The following SPARCL1 variants were observed in gnomAD, a reference collection of about 807,000 sequenced individuals.
SPARCL1 encodes SPARC-like protein 1.
SPARCL1 carries 52 observed loss-of-function variants against 67.1 expected under a neutral mutation model. That is an observed-to-expected ratio of 0.78 (90% CI 0.62 to 0.98). The LOEUF (loss-of-function observed/expected upper bound fraction) is 0.98, where lower values mean the gene tolerates loss of function less well. Among genes scored for constraint, SPARCL1 ranks in the 50% least tolerant of loss-of-function variants. SPARCL1 has a pLI of 0.00. For missense variants in SPARCL1, 717 were observed against 782.4 expected, an observed-to-expected ratio of 0.92 and a Z score of 1.00; for synonymous variants, 226 against 267.8, an observed-to-expected ratio of 0.84 and a Z score of 1.52.
At chr4:87,528,478 C>A (rs1004900368) in intron 1 of SPARCL1, 1 of 151,884 alleles carries the variant, frequency 6.6e-6, no homozygotes, top group African/African-American at 2.4e-5. Context: ...TAAAAGGGAA[C>A]CAAGAAAGGG....
At chr4:87,503,871 G>A (rs1724958663) in intron 1 of SPARCL1, among the ~76,000 whole-genome samples, 1 of 151,186 alleles carries the variant, frequency 6.6e-6, no homozygotes, top group African/African-American at 2.4e-5. Flanking sequence ...TAGAGACAGG[G>A]GTTTCGCCAT....
At chr4:87,474,983 C>A (rs1723526309) in intron 10 of SPARCL1, among the ~76,000 whole-genome samples, 1 of 151,914 alleles carries the variant, frequency 6.6e-6, no homozygotes, top group Admixed American at 6.6e-5. Flanking sequence ...AACTCGTGAT[C>A]CGCCTGCCTC....
chr4:87,494,713 G>T, intron 3 of SPARCL1, 115 bp from the exon 4 acceptor site: 1 of 955,000 alleles, frequency 1.0e-6, no homozygotes, highest in Non-Finnish European at 1.5e-6. Flanking sequence ...ATGTAAACAT[G>T]TTTATAATAT....
Position 87,480,414 on chromosome 4 carries a change from A to G in SPARCL1, c.1775T>C (p.Val592Ala). 2 of 1,611,792 alleles carry G rather than the reference A, an allele frequency of 1.2e-6. No individual in the cohort carries two copies. Among genetic ancestry groups the G allele is most frequent in the African/African-American group, 2.7e-5 (2 of 74,918 alleles). Residue 592 changes from valine (V) to alanine (A), a missense_variant, in exon 9 of 11, where the codon GTG becomes GCG. Coordinates refer to ENST00000282470, the MANE Select transcript of SPARCL1 (RefSeq NM_004684.6). ...GTCAAGTTCACTAAACTGCCAGTGC[A>G]CAGGATACACATACATGTGGTAGTT... ...KKNYHMYVYP[V>A]HWQFSELDQH...
In SPARCL1 at chr4:87,513,001, A is replaced by T. The variant is rs1725434976; in HGVS notation, c.-11-13416T>A. 2.0e-5 allele frequency among the ~76,000 whole-genome samples: 3 copies of T among 152,210 alleles called. No individual in the cohort carries two copies. In the South Asian group the frequency reaches 6.2e-4, roughly 32 times the overall value. ...TACCATCTTGGTAAATCCTGGATAC[A>T]TATTTACTGGTCTACTATTAAAGCA... is the stretch of plus-strand genomic sequence containing the variant. On this transcript the variant is annotated intron_variant, in intron 1 of 10. Transcript: ENST00000282470.
At chr4:87,480,932 A>C (rs532982328) in intron 8 of SPARCL1, among the ~76,000 whole-genome samples, 1 of 150,966 alleles carries the variant, frequency 6.6e-6, no homozygotes, top group South Asian at 2.1e-4. Flanking sequence ...GTCCACTCTT[A>C]GTCTTCTAGG....
chr4:87,480,389 G>A lies in SPARCL1; in HGVS notation c.1800C>T (p.Asp600=), dbSNP rs150376666. 114 of 1,604,856 alleles carry A rather than the reference G, an allele frequency of 7.1e-5. 2 individuals are homozygous for A. The Middle Eastern group carries it at 5.0e-3, about 70-fold the overall frequency. ...GTTCTTACCTATCCATAGGGTGTTG[G>A]TCAAGTTCACTAAACTGCCAGTGCA... is the stretch of plus-strand genomic sequence containing the variant. The part of the protein sequence containing the change: ...YPVHWQFSEL[D]QHPMDRVLTH... The change falls in exon 9 of 11, where the codon GAC becomes GAT. Residue 600 remains aspartate (D), a synonymous_variant. Transcript: ENST00000282470.
At chr4:87,528,186 T>C (rs1392742113) in intron 1 of SPARCL1, 1 of 138,784 alleles carries the variant, frequency 7.2e-6, no homozygotes, top group Non-Finnish European at 1.5e-5. Flanking sequence ...TTTTTTCTTT[T>C]CTTTTCCTTT....
chr4:87,475,845 C>G (rs1167377614), intron 10 of SPARCL1, among the ~76,000 whole-genome samples: 2 of 152,192 alleles, frequency 1.3e-5, no homozygotes, highest in Non-Finnish European at 2.9e-5. Flanking sequence ...GAACTTAAAA[C>G]AGATCTACTA....
intron 8 of SPARCL1, among the ~76,000 whole-genome samples, chr4:87,481,250 A>G (rs1220149911): frequency 6.6e-6 from 1 of 152,170 alleles, no homozygotes; most frequent in African/African-American, 2.4e-5. Flanking sequence ...TGGGTGGGAC[A>G]TGTATCGAAG....
At chr4:87,490,486 T>G in intron 6 of SPARCL1, 93 bp from the exon 7 acceptor site, 1 of 1,418,360 alleles carries the variant, frequency 7.1e-7, no homozygotes, top group Non-Finnish European at 9.5e-7. Context: ...ATAACAGCGC[T>G]GTGCCAAAGA....
In SPARCL1 at chr4:87,493,981, A is replaced by G; in HGVS notation, c.819T>C (p.Asn273=). The G allele has an allele frequency of 1.9e-6, 3 of 1,614,078 alleles. No individual in the cohort carries two copies. Among genetic ancestry groups the G allele is most frequent in the Admixed American group, 1.7e-5 (1 of 60,014 alleles). The change falls in exon 4 of 11, where the codon AAT becomes AAC. Residue 273 remains asparagine, a synonymous_variant. Transcript: ENST00000282470. ...QGNQEQEDNS[N]AEMEEENASN... ...ATGCATTTTCCTCTTCCATTTCTGC[A>G]TTGGAGTTATCTTCTTGTTCTTGGT...
chr4:87,526,408 T>G (rs1475204312), intron 1 of SPARCL1, among the ~76,000 whole-genome samples: 2 of 152,240 alleles, frequency 1.3e-5, no homozygotes, highest in African/African-American at 4.8e-5. Context: ...ACGAGATTCC[T>G]TATGAGCAAC....
intron 7 of SPARCL1, among the ~76,000 whole-genome samples, chr4:87,486,351 T>C (rs2110219086): frequency 6.6e-6 from 1 of 152,346 alleles, no homozygotes; most frequent in Middle Eastern, 3.4e-3. Context: ...AGCAGGTTGT[T>C]CAGTTTCCAT....
intron 7 of SPARCL1, among the ~76,000 whole-genome samples, chr4:87,486,034 T>G (rs61960810): frequency 2.0e-5 from 3 of 152,290 alleles, no homozygotes; most frequent in East Asian, 3.9e-4. Flanking sequence ...GTTCATTGAT[T>G]TTTTGAAGGG....
At chr4:87,509,801 G>A (rs1055364771) in intron 1 of SPARCL1, among the ~76,000 whole-genome samples, 7 of 152,320 alleles carry the variant, frequency 4.6e-5, no homozygotes, top group Admixed American at 3.9e-4. Context: ...ATGTGTGTAT[G>A]TCTGTGTGTG....
chr4:87,488,036 T>C (rs1456533745), intron 7 of SPARCL1, among the ~76,000 whole-genome samples: 1 of 152,218 alleles, frequency 6.6e-6, no homozygotes, highest in Admixed American at 6.5e-5. Flanking sequence ...TATTGGGTTA[T>C]AACATGTTCC....
Position 87,493,749 on chromosome 4 carries a change from C to T in SPARCL1, c.1051G>A (p.Asp351Asn), listed in dbSNP as rs767707481. 8 of 1,614,162 alleles carry T rather than the reference C, an allele frequency of 5.0e-6. No homozygotes were observed. The highest frequency in any genetic ancestry group is 6.8e-6 in the Non-Finnish European group (8 of 1,180,020). Residue 351 changes from aspartate to asparagine, a missense_variant, in exon 4 of 11, where the codon GAT becomes AAT. Coordinates refer to ENST00000282470, the MANE Select transcript of SPARCL1 (RefSeq NM_004684.6). ...TCACTTGCACTGTGCCTGGGGCCAT[C>T]AGTGCCGCCATCATCGCCATCATCA... ...GDDDGDDGGT[D>N]GPRHSASDDY...
In SPARCL1 at chr4:87,493,672, G is replaced by A; in HGVS notation, c.1128C>T (p.Ser376=). ...QAFLEAERAQ[S]IAYHLKIEEQ... ...CCTCAATTTTGAGGTGATAGGCAAT[G>A]GATTGAGCTCTCTCGGCCTCCAGAA... Residue 376 remains serine (S), a synonymous_variant, in exon 4 of 11, where the codon TCC becomes TCT. Transcript: ENST00000282470. The A allele has an allele frequency of 1.2e-6, 2 of 1,614,102 alleles. No homozygotes were observed. The highest frequency in any genetic ancestry group is 1.7e-6 in the Non-Finnish European group (2 of 1,180,018).
Sources: allele counts gnomAD v4.1 joint callset (sites outside exome capture counted in the v4.1 genomes callset), GRCh38; gene constraint gnomAD v4.1.1; transcripts MANE v1.5; gene names NCBI Gene and HGNC (gene_info 2026-07-23, HGNC 2026-07-21).